The following KNTC1 variants were observed in gnomAD, a reference collection of about 807,000 sequenced individuals.
KNTC1 encodes the protein kinetochore-associated protein 1.
In KNTC1, 253 loss-of-function variants were observed where a neutral mutation model predicts 314.4. The ratio of observed to expected loss-of-function variants is 0.80; its 90% CI spans 0.73 to 0.89. The LOEUF is 0.89. Among genes scored for constraint, KNTC1 ranks in the 40% least tolerant of loss-of-function variants. KNTC1 has a pLI of 0.00. For missense variants in KNTC1, 2,475 were observed against 2,572.9 expected, an observed-to-expected ratio of 0.96 and a Z score of 0.82; for synonymous variants, 901 against 901.4, an observed-to-expected ratio of 1.00 and a Z score of 0.01.
chr12:122,573,198 T>C lies in KNTC1; in HGVS notation c.2196T>C (p.Leu732=). 6.2e-7 allele frequency: 1 copy of C among 1,613,966 alleles called. No homozygotes were observed. The highest frequency in any genetic ancestry group is 1.1e-5 in the South Asian group (1 of 91,086). Residue 732 remains leucine (L), a synonymous_variant, in exon 26 of 64, where the codon CTT becomes CTC. Coordinates refer to ENST00000333479, the MANE Select transcript of KNTC1 (RefSeq NM_014708.6). Reference sequence around the variant, plus strand: ...TTGATAAAGTGCTGGCCCCAGAGCTTATTCCCTCCATCTTAGAGAAGTTTA... The same window carrying C: ...TTGATAAAGTGCTGGCCCCAGAGCTCATTCCCTCCATCTTAGAGAAGTTTA... The part of the protein sequence containing the change: ...RMFDKVLAPE[L]IPSILEKFIR...
intron 20 of KNTC1, among the ~76,000 whole-genome samples, chr12:122,564,167 G>A (rs1964157544): frequency 6.6e-6 from 1 of 151,936 alleles, no homozygotes; most frequent in Admixed American, 6.6e-5. Flanking sequence ...TAGTAGAGAC[G>A]GTGTTTCACC....
chr12:122,563,608 T>G, intron 20 of KNTC1: 1 of 407,234 alleles, frequency 2.5e-6, no homozygotes, highest in Non-Finnish European at 3.9e-6. Context: ...ACCCAGGAAT[T>G]TTTTCACTGC....
At chr12:122,625,598 A>T (rs1874950829) in intron 63 of KNTC1, among the ~76,000 whole-genome samples, 1 of 151,960 alleles carries the variant, frequency 6.6e-6, no homozygotes, top group Admixed American at 6.6e-5. Context: ...ACAAAAAAAA[A>T]AAACAAAGGA....
chr12:122,571,970 C>T (rs1964716710), intron 24 of KNTC1, among the ~76,000 whole-genome samples: 1 of 152,018 alleles, frequency 6.6e-6, no homozygotes, highest in Non-Finnish European at 1.5e-5. Flanking sequence ...CTGCTCCTGG[C>T]CCCCCTCCAC....
At chr12:122,554,661 G>T (rs1963453919) in intron 16 of KNTC1, among the ~76,000 whole-genome samples, 1 of 151,918 alleles carries the variant, frequency 6.6e-6, no homozygotes, top group Non-Finnish European at 1.5e-5. Context: ...AAGAGACAGT[G>T]GAGCAAAAAA....
intron 1 of KNTC1, among the ~76,000 whole-genome samples, chr12:122,528,154 G>C (rs1280441989): frequency 6.6e-6 from 1 of 152,178 alleles, no homozygotes; most frequent in Admixed American, 6.6e-5. Context: ...TGTTGAATAA[G>C]TAAATATGGC....
intron 48 of KNTC1, among the ~76,000 whole-genome samples, chr12:122,603,916 C>T (rs1254221721): frequency 1.3e-5 from 2 of 151,812 alleles, no homozygotes; most frequent in Non-Finnish European, 2.9e-5. Flanking sequence ...AAAAAATGCT[C>T]AGGTCAGGAA....
At chr12:122,615,627 A>C (rs935934819) in intron 57 of KNTC1, 101 bp downstream of exon 57, 1 of 1,164,468 alleles carries the variant, frequency 8.6e-7, no homozygotes, top group African/African-American at 1.6e-5. Context: ...CTCCTTCTTA[A>C]ATAACAGAAC....
In KNTC1 at chr12:122,563,663, C is replaced by T. The variant is rs118013960; in HGVS notation, c.1604+964C>T. ...GGGCAGATCTCCATATGTGTAAGTC[C>T]ATCTTTTCTATCCTATTGAGTAATA... On this transcript the variant is annotated intron_variant, in intron 20 of 63. Coordinates refer to ENST00000333479, the MANE Select transcript of KNTC1 (RefSeq NM_014708.6). 4.3e-4 allele frequency: 342 copies of T among 798,342 alleles called. 4 individuals carry two copies. In the East Asian group the frequency reaches 0.013, roughly 30 times the overall value. The allele number at this position is 798,342 out of a possible 1,614,324, so 49.5% of individuals were successfully genotyped here. A position where few individuals can be genotyped will look rare whatever the true frequency, so the allele number is the denominator to read the frequency against.
At chr12:122,612,323 C>T (rs1441002408) in intron 53 of KNTC1, among the ~76,000 whole-genome samples, 1 of 151,890 alleles carries the variant, frequency 6.6e-6, no homozygotes, top group Non-Finnish European at 1.5e-5. Context: ...ACCTCGGGCT[C>T]CCAAAGTGCT....
chr12:122,592,895 G>C (rs1870480562), intron 42 of KNTC1: 1 of 152,242 alleles, frequency 6.6e-6, no homozygotes, highest in African/African-American at 2.4e-5. Context: ...TCACTCTTTG[G>C]GTCCACGCTG....
chr12:122,527,970 CT>C (rs1239087291), intron 1 of KNTC1, among the ~76,000 whole-genome samples: 2 of 152,140 alleles, frequency 1.3e-5, no homozygotes, highest in Admixed American at 1.3e-4. Context: ...TGTGCAGTTG[CT>C]TTTTTGTGGA....
intron 51 of KNTC1, among the ~76,000 whole-genome samples, chr12:122,608,371 T>C (rs533237174): frequency 2.8e-4 from 43 of 152,264 alleles, no homozygotes; most frequent in African/African-American, 8.9e-4. Flanking sequence ...CTTAGGTGAT[T>C]CACCCACCTC....
chr12:122,544,262 TA>T lies in KNTC1; in HGVS notation c.664del (p.Ile222LeufsTer21), dbSNP rs770101728. Reference protein sequence around the residue: ...AGDLASEVPVIIGGTGNCAFS... With the variant: ...AGDLASEVPVXIGGTGNCAFS... ...GATTTAGCAAGTGAAGTTCCTGTGA[TA>T]ATTGGGGTAATTGTTTTTATAAAGT... On this transcript the variant is annotated frameshift_variant, in exon 8 of 64. Transcript: ENST00000333479. LOFTEE classifies it high-confidence loss of function. The T allele has an allele frequency of 1.4e-5, 21 of 1,482,226 alleles. No homozygotes were observed. Among genetic ancestry groups the T allele is most frequent in the Non-Finnish European group, 1.7e-5 (19 of 1,088,416 alleles). 91.8% of individuals were successfully genotyped at this position (1,482,226 alleles called of 1,614,324 possible).
chr12:122,542,016 A>G (rs751155804), intron 5 of KNTC1, 34 bp from the exon 6 acceptor site: 12 of 1,491,756 alleles, frequency 8.0e-6, no homozygotes, highest in African/African-American at 4.2e-5. Flanking sequence ...TCCATCTCAA[A>G]AAAAAGAAAC....
At chr12:122,575,737 C>A in intron 28 of KNTC1, 63 bp from the exon 29 acceptor site, 1 of 1,495,312 alleles carries the variant, frequency 6.7e-7, no homozygotes, top group Non-Finnish European at 9.3e-7. Context: ...ATATTGTTTG[C>A]TGTGTCCCAT....
chr12:122,615,734 C>CTG (rs1873696089), intron 57 of KNTC1, among the ~76,000 whole-genome samples: 1 of 152,088 alleles, frequency 6.6e-6, no homozygotes, highest in Non-Finnish European at 1.5e-5. Context: ...CTGCAGTGAG[C>CTG]CGTGATTGCA....
chr12:122,557,633 G>T lies in KNTC1; in HGVS notation c.1432G>T (p.Ala478Ser). The change falls in exon 18 of 64, where the codon GCT (alanine) becomes TCT (serine). Residue 478 changes from alanine (A) to serine (S), a missense_variant. Coordinates refer to ENST00000333479, the MANE Select transcript of KNTC1 (RefSeq NM_014708.6). ...ATTTGTGGTGAATTACTGCCTGAAA[G>T]CTCAGTGGATAACCTATGAAACCAC... is the stretch of plus-strand genomic sequence containing the variant. ...DEFVVNYCLK[A>S]QWITYETTQE... 2 of 1,613,462 alleles carry T rather than the reference G, an allele frequency of 1.2e-6. No homozygotes were observed. Among genetic ancestry groups the T allele is most frequent in the Non-Finnish European group, 1.7e-6 (2 of 1,179,646 alleles).
At chr12:122,593,764 C>G (rs1264525144) in intron 42 of KNTC1, 5 of 154,620 alleles carry the variant, frequency 3.2e-5, no homozygotes, top group African/African-American at 1.2e-4. Flanking sequence ...ACCACCATGC[C>G]CAGCTAATTG....
Sources: allele counts gnomAD v4.1 joint callset (sites outside exome capture counted in the v4.1 genomes callset), GRCh38; gene constraint gnomAD v4.1.1; transcripts MANE v1.5; gene names NCBI Gene and HGNC (gene_info 2026-07-23, HGNC 2026-07-21).